The following THRB variants were observed in gnomAD, a reference collection of about 807,000 sequenced individuals.
THRB encodes thyroid hormone receptor beta.
THRB carries 12 observed loss-of-function variants against 47.8 expected under a neutral mutation model. That is an observed-to-expected ratio of 0.25 (90% CI 0.16 to 0.41). The LOEUF is 0.41. Among genes scored for constraint, THRB ranks in the 10% least tolerant of loss-of-function variants. THRB has a pLI of 1.00. For missense variants in THRB, 348 were observed against 589.2 expected (o/e 0.59, Z 4.24); for synonymous variants, 218 against 212.2 (o/e 1.03, Z -0.24).
intron 6 of THRB, among the ~76,000 whole-genome samples, chr3:24,151,123 TAAG>T (rs1408871305): frequency 3.9e-5 from 6 of 152,210 alleles, no homozygotes; most frequent in Admixed American, 6.5e-5. Flanking sequence ...TCTGGATAAA[TAAG>T]AACATGTTAC....
At chr3:24,469,615 A>G (rs893187652) in intron 1 of THRB, among the ~76,000 whole-genome samples, 1 of 152,250 alleles carries the variant, frequency 6.6e-6, no homozygotes, top group Non-Finnish European at 1.5e-5. Flanking sequence ...TTACTGCTTT[A>G]AAACACAATG....
chr3:24,268,009 A>T (rs560157586), intron 3 of THRB, among the ~76,000 whole-genome samples: 1 of 152,352 alleles, frequency 6.6e-6, no homozygotes, highest in African/African-American at 2.4e-5. Context: ...ACACAAAGAA[A>T]GTTCTCTATA....
chr3:24,360,886 A>G (rs1323442152), intron 1 of THRB, among the ~76,000 whole-genome samples: 1 of 152,138 alleles, frequency 6.6e-6, no homozygotes, highest in Non-Finnish European at 1.5e-5. Flanking sequence ...CTGTTGTTGA[A>G]AATGGTGCTT....
chr3:24,231,813 C>A (rs1328176477), intron 3 of THRB, among the ~76,000 whole-genome samples: 1 of 152,082 alleles, frequency 6.6e-6, no homozygotes, highest in East Asian at 1.9e-4. Flanking sequence ...TTGGCAGAGG[C>A]CTGGAGCTCA....
chr3:24,147,925 A>G (rs934024268), intron 6 of THRB, among the ~76,000 whole-genome samples: 2 of 151,648 alleles, frequency 1.3e-5, no homozygotes, highest in African/African-American at 4.9e-5. Context: ...AATGACCCCC[A>G]CCTCCCTTGC....
intron 9 of THRB, among the ~76,000 whole-genome samples, chr3:24,129,181 T>C (rs1275563694): frequency 6.6e-6 from 1 of 152,212 alleles, no homozygotes; most frequent in Non-Finnish European, 1.5e-5. Context: ...TCCATACATA[T>C]GAATTCTCTC....
At chr3:24,349,941 G>C (rs2063265063) in intron 1 of THRB, among the ~76,000 whole-genome samples, 1 of 152,016 alleles carries the variant, frequency 6.6e-6, no homozygotes, top group Admixed American at 6.6e-5. Context: ...ACCATTATGA[G>C]AGTGAAAAGT....
intron 2 of THRB, among the ~76,000 whole-genome samples, chr3:24,329,040 G>C (rs1009442260): frequency 6.6e-6 from 1 of 151,748 alleles, no homozygotes; most frequent in Admixed American, 6.6e-5. Context: ...TCCAACTCTT[G>C]GGCTCAAGGT....
chr3:24,349,979 C>G (rs928710089), intron 1 of THRB, among the ~76,000 whole-genome samples: 3 of 151,894 alleles, frequency 2.0e-5, no homozygotes, highest in African/African-American at 7.2e-5. Context: ...TTACAGATGA[C>G]TTACAAAGGA....
intron 3 of THRB, among the ~76,000 whole-genome samples, chr3:24,290,824 A>G (rs2055846905): frequency 2.0e-5 from 3 of 152,186 alleles, no homozygotes; most frequent in Non-Finnish European, 4.4e-5. Context: ...ATATTTTTCT[A>G]TGCTCTGCCA....
intron 5 of THRB, among the ~76,000 whole-genome samples, chr3:24,157,675 G>T (rs1287519470): frequency 1.3e-5 from 2 of 152,068 alleles, no homozygotes; most frequent in Non-Finnish European, 2.9e-5. Context: ...GACTACAGGT[G>T]CATGGTCACC....
chr3:24,153,483 TTTTG>T (rs2037335520), intron 5 of THRB, among the ~76,000 whole-genome samples: 1 of 152,112 alleles, frequency 6.6e-6, no homozygotes, highest in Non-Finnish European at 1.5e-5. Context: ...ATGACAGAGG[TTTTG>T]TTTATTAAGA....
intron 1 of THRB, among the ~76,000 whole-genome samples, chr3:24,392,018 A>G (rs2066609802): frequency 6.6e-6 from 1 of 152,030 alleles, no homozygotes; most frequent in Non-Finnish European, 1.5e-5. Context: ...TCTGTGTTCT[A>G]CTGCCCTCAT....
At chr3:24,211,435 A>G (rs1294382404) in intron 4 of THRB, among the ~76,000 whole-genome samples, 1 of 152,186 alleles carries the variant, frequency 6.6e-6, no homozygotes, top group Non-Finnish European at 1.5e-5. Context: ...TTCATTGCTA[A>G]TATTGACTGG....
chr3:24,291,386 T>A (rs915037821), intron 3 of THRB, among the ~76,000 whole-genome samples: 1 of 152,196 alleles, frequency 6.6e-6, no homozygotes, highest in African/African-American at 2.4e-5. Context: ...CATCAGTGTT[T>A]CTGTGCGCAC....
At chr3:24,399,117 T>C (rs1043562329) in intron 1 of THRB, among the ~76,000 whole-genome samples, 1 of 151,732 alleles carries the variant, frequency 6.6e-6, no homozygotes, top group African/African-American at 2.4e-5. Flanking sequence ...TTAGGAGATA[T>C]ACCTCATGTA....
At chr3:24,265,463 G>A (rs1419503285) in intron 3 of THRB, among the ~76,000 whole-genome samples, 1 of 152,170 alleles carries the variant, frequency 6.6e-6, no homozygotes, top group Admixed American at 6.5e-5. Flanking sequence ...AAATTAGTGA[G>A]GGACATATAT....
intron 1 of THRB, among the ~76,000 whole-genome samples, chr3:24,481,995 A>G (rs898092524): frequency 6.6e-6 from 1 of 152,184 alleles, no homozygotes; most frequent in Non-Finnish European, 1.5e-5. Flanking sequence ...GCTGAAAAAT[A>G]CTAGGTCATC....
intron 1 of THRB, among the ~76,000 whole-genome samples, chr3:24,364,750 A>C (rs1420322516): frequency 6.6e-6 from 1 of 152,194 alleles, no homozygotes; most frequent in Non-Finnish European, 1.5e-5. Flanking sequence ...AAATAAACAA[A>C]TAAAAGAAAG....
Sources: allele counts gnomAD v4.1 joint callset (sites outside exome capture counted in the v4.1 genomes callset), GRCh38; gene constraint gnomAD v4.1.1; transcripts MANE v1.5; gene names NCBI Gene and HGNC (gene_info 2026-07-23, HGNC 2026-07-21).